The following TPPP variants were observed in gnomAD, a reference collection of about 807,000 sequenced individuals.
TPPP encodes tubulin polymerization-promoting protein.
A neutral mutation model predicts 15.5 loss-of-function variants in TPPP; 6 were observed. The observed-to-expected ratio is 0.39, with a 90% CI of 0.21 to 0.77. The LOEUF (loss-of-function observed/expected upper bound fraction) is 0.77, where lower values mean the gene tolerates loss of function less well. Among genes scored for constraint, TPPP ranks in the 30% least tolerant of loss-of-function variants. TPPP has a pLI of 0.42. For missense variants in TPPP, 269 were observed against 307.2 expected (o/e 0.88, Z 0.93); for synonymous variants, 146 against 133.9 (o/e 1.09, Z -0.63).
intron 3 of TPPP, 163 bp downstream of exon 3, chr5:665,807 C>G: frequency 1.2e-6 from 1 of 822,278 alleles, no homozygotes; most frequent in African/African-American, 1.7e-5. Flanking sequence ...CTCCTCAGAC[C>G]CCACACCAGG....
intron 1 of TPPP, among the ~76,000 whole-genome samples, chr5:681,931 G>C (rs901514123): frequency 3.3e-5 from 5 of 152,088 alleles, no homozygotes; most frequent in African/African-American, 1.2e-4. Flanking sequence ...CAGCTCCAAG[G>C]ACTCGGCCAC....
At chr5:696,262 T>C (rs1741008795), upstream of TPPP, among the ~76,000 whole-genome samples, 1 of 132,396 alleles carries the variant, frequency 7.6e-6, no homozygotes, top group Non-Finnish European at 1.7e-5. Flanking sequence ...CCCAGGTCCA[T>C]TGGGAGGCCC....
At chr5:675,549 CGGGGGTG>C (rs1740401798) in intron 2 of TPPP, among the ~76,000 whole-genome samples, 1 of 38,996 alleles carries the variant, frequency 2.6e-5, no homozygotes, top group African/African-American at 9.2e-5. Flanking sequence ...GCCGTGTGGC[CGGGGGTG>C]CAGTGTGGCT....
Position 686,080 on chromosome 5 carries a change from G to C in TPPP, c.-5+7198C>G, listed in dbSNP as rs140877997. ...TCTGAGATGGCTGTCCAAGGCCCAA[G>C]TGAGAGTTAAACCACATGCCCAGCC... On this transcript the variant is annotated intron_variant, in intron 1 of 3. Coordinates refer to ENST00000360578, the MANE Select transcript of TPPP (RefSeq NM_007030.3). Among the ~76,000 whole-genome samples, 21 of 152,356 alleles carry C rather than the reference G, an allele frequency of 1.4e-4. No individual in the cohort carries two copies. The East Asian group carries it at 4.0e-3, about 29-fold the overall frequency.
intron 1 of TPPP, among the ~76,000 whole-genome samples, chr5:686,498 C>T (rs895598878): frequency 2.0e-5 from 3 of 150,828 alleles, no homozygotes; most frequent in Non-Finnish European, 4.4e-5. Flanking sequence ...CCCGCCCCAG[C>T]CCACTCACTG....
rs1439636356 is a variant in TPPP at position 667,494 on chromosome 5, TG to T, written c.312-1372del. Among the ~76,000 whole-genome samples, 3 of 152,150 alleles carry T rather than the reference TG, an allele frequency of 2.0e-5. No homozygotes were observed. In the East Asian group the frequency reaches 5.8e-4, roughly 29 times the overall value. On this transcript the variant is annotated intron_variant, in intron 2 of 3. Coordinates refer to ENST00000360578, the MANE Select transcript of TPPP (RefSeq NM_007030.3). ...CACCAAAGAGAAGATCTCTGTGACC[TG>T]GGGTTAGGCGAAGATTTCTTAGAAA... is the stretch of plus-strand genomic sequence containing the variant.
chr5:676,443 C>T (rs1359521861), intron 2 of TPPP: 2 of 152,210 alleles, frequency 1.3e-5, no homozygotes, highest in Admixed American at 1.3e-4. Flanking sequence ...ACAGGGGCAT[C>T]TGACCCACGG....
At chr5:686,015 C>T (rs374401563) in intron 1 of TPPP, among the ~76,000 whole-genome samples, 71 of 152,302 alleles carry the variant, frequency 4.7e-4, no homozygotes, top group African/African-American at 1.5e-3. Flanking sequence ...ACAGGGCTCC[C>T]GGACTCTGCA....
chr5:675,667 CCCCAGCCCTT>C (rs1343284762), intron 2 of TPPP, among the ~76,000 whole-genome samples: 3 of 151,926 alleles, frequency 2.0e-5, no homozygotes, highest in Non-Finnish European at 4.4e-5. Flanking sequence ...GAGGGCTGAG[CCCCAGCCCTT>C]GTTGGGCCCC....
chr5:693,292 G>T lies in TPPP; in HGVS notation c.-19C>A. On this transcript the variant is annotated 5_prime_UTR_variant, in exon 1 of 4. Coordinates refer to ENST00000360578, the MANE Select transcript of TPPP (RefSeq NM_007030.3). The stretch of plus-strand genomic sequence containing the variant: ...CGCCCGCTTACCTTGGAGACGCAGC[G>T]ACTGCAGCGGAGGCGCCTCCGCGAC... 1.3e-5 allele frequency: 2 copies of T among 150,790 alleles called. No homozygotes were observed. Among genetic ancestry groups the T allele is most frequent in the South Asian group, 3.7e-4 (2 of 5,396 alleles). The allele number at this position is 150,790 out of a possible 1,614,324, so 9.3% of individuals were successfully genotyped here. A position where few individuals can be genotyped will look rare whatever the true frequency, so the allele number is the denominator to read the frequency against.
the TPPP span, among the ~76,000 whole-genome samples, chr5:698,769 C>A: frequency 6.6e-6 from 1 of 151,854 alleles, no homozygotes; most frequent in Non-Finnish European, 1.5e-5. Context: ...ACAGCCAAAC[C>A]GTATTACGAC....
At chr5:672,849 C>A (rs1054943635) in intron 2 of TPPP, among the ~76,000 whole-genome samples, 6 of 152,230 alleles carry the variant, frequency 3.9e-5, no homozygotes, top group African/African-American at 1.4e-4. Context: ...TCAACAAAAA[C>A]CTGGCGTAAG....
At chr5:671,136 C>A (rs1439800895) in intron 2 of TPPP, among the ~76,000 whole-genome samples, 1 of 152,208 alleles carries the variant, frequency 6.6e-6, no homozygotes, top group Non-Finnish European at 1.5e-5. Flanking sequence ...CGAAGGCTCC[C>A]CCCTGCCTGA....
intron 1 of TPPP, among the ~76,000 whole-genome samples, chr5:678,519 C>T (rs1740527300): frequency 1.4e-5 from 2 of 143,572 alleles, no homozygotes; most frequent in South Asian, 4.2e-4. Flanking sequence ...ACGCACTCCC[C>T]AGGGTCTGTG....
chr5:674,310 C>T (rs1190264507), intron 2 of TPPP, among the ~76,000 whole-genome samples: 1 of 152,214 alleles, frequency 6.6e-6, no homozygotes, highest in Non-Finnish European at 1.5e-5. Flanking sequence ...GGGCTGGGTC[C>T]CCTCCAAACA....
chr5:680,710 C>T (rs1487222836), intron 1 of TPPP, among the ~76,000 whole-genome samples: 2 of 151,760 alleles, frequency 1.3e-5, no homozygotes, highest in African/African-American at 2.4e-5. Context: ...CCCGCCTCTG[C>T]GTGGGGTGTG....
chr5:699,258 C>G, the TPPP span, among the ~76,000 whole-genome samples: 77 of 152,132 alleles, frequency 5.1e-4, no homozygotes, highest in African/African-American at 1.7e-3. Flanking sequence ...GTATGGTAAC[C>G]AAAACAGCAT....
At chr5:692,961 G>A (rs1280593455) in intron 1 of TPPP, 67 of 767,592 alleles carry the variant, frequency 8.7e-5, no homozygotes, top group Non-Finnish European at 1.0e-4. Context: ...GTCCGTGGCC[G>A]CGAAGAAAGG....
At chr5:691,431 TG>T in intron 1 of TPPP, among the ~76,000 whole-genome samples, 1 of 55,760 alleles carries the variant, frequency 1.8e-5, no homozygotes, top group African/African-American at 9.6e-5. Context: ...CGGGGAGGGG[TG>T]GCCGGGGTGG....
Sources: allele counts gnomAD v4.1 joint callset (sites outside exome capture counted in the v4.1 genomes callset), GRCh38; gene constraint gnomAD v4.1.1; transcripts MANE v1.5; gene names NCBI Gene and HGNC (gene_info 2026-07-23, HGNC 2026-07-21).